Variants in CCSER1 observed in about 807,000 individuals in gnomAD.
CCSER1 encodes the protein serine-rich coiled-coil domain-containing protein 1.
A neutral mutation model predicts 82.0 loss-of-function variants in CCSER1; 41 were observed. That is an observed-to-expected ratio of 0.50 (90% CI 0.39 to 0.65). The LOEUF is 0.65. Among genes scored for constraint, CCSER1 ranks in the 30% least tolerant of loss-of-function variants. The probability of loss-of-function intolerance (pLI) is 0.00; values close to 1 mark genes in which losing one functional copy is unlikely to be tolerated. For synonymous variants in CCSER1, 414 were observed against 383.9 expected, an observed-to-expected ratio of 1.08 and a Z score of -0.92; for missense variants, 1,119 against 1,064.2, an observed-to-expected ratio of 1.05 and a Z score of -0.72.
At chr4:91,324,905 C>T (rs1013494769) in intron 10 of CCSER1, among the ~76,000 whole-genome samples, 1 of 152,044 alleles carries the variant, frequency 6.6e-6, no homozygotes, top group East Asian at 1.9e-4. Context: ...TATGATTTGG[C>T]TCTGTGTTCC....
intron 3 of CCSER1, among the ~76,000 whole-genome samples, chr4:90,331,892 G>T (rs1379609553): frequency 6.6e-6 from 1 of 151,732 alleles, no homozygotes; most frequent in Non-Finnish European, 1.5e-5. Flanking sequence ...CGAATTGTCA[G>T]ATTCACAAAA....
intron 4 of CCSER1, among the ~76,000 whole-genome samples, chr4:90,457,143 C>T (rs1451542833): frequency 2.0e-5 from 3 of 152,254 alleles, no homozygotes; most frequent in East Asian, 1.9e-4. Flanking sequence ...TGGTTCCCTG[C>T]GAGGCTATGG....
intron 10 of CCSER1, among the ~76,000 whole-genome samples, chr4:91,107,699 T>C (rs562921775): frequency 6.6e-6 from 1 of 151,528 alleles, no homozygotes. Context: ...AAAAGCACCA[T>C]TTAGCCTATC....
At chr4:90,256,523 C>A (rs1019396283) in intron 1 of CCSER1, among the ~76,000 whole-genome samples, 7 of 152,064 alleles carry the variant, frequency 4.6e-5, no homozygotes. Flanking sequence ...CTGTCATATT[C>A]TAAAATGTTT....
chr4:90,877,293 T>C (rs1767334242), intron 8 of CCSER1, among the ~76,000 whole-genome samples: 2 of 152,162 alleles, frequency 1.3e-5, no homozygotes, highest in South Asian at 4.1e-4. Flanking sequence ...TCTTGTTTTT[T>C]CTTAACTCTC....
chr4:90,541,473 T>C lies in CCSER1; in HGVS notation c.1724+73119T>C, dbSNP rs147615649. 5.7e-3 allele frequency among the ~76,000 whole-genome samples: 866 copies of C among 152,244 alleles called. 7 individuals are homozygous for C. Among genetic ancestry groups the C allele is most frequent in the African/African-American group, 0.019 (808 of 41,568 alleles). On this transcript the variant is annotated intron_variant, in intron 5 of 10. Coordinates refer to ENST00000509176, the MANE Select transcript of CCSER1 (RefSeq NM_001145065.2). ...CCCAAACTCTATAAAGTGACTGATC[T>C]GGAGCAAGTTACTTAACAACTATGA... is the stretch of plus-strand genomic sequence containing the variant.
At chr4:91,041,979 C>G (rs572231845) in intron 9 of CCSER1, among the ~76,000 whole-genome samples, 1 of 152,120 alleles carries the variant, frequency 6.6e-6, no homozygotes, top group East Asian at 1.9e-4. Context: ...TATCCATGGT[C>G]TTCCTTTTGA....
intron 10 of CCSER1, among the ~76,000 whole-genome samples, chr4:91,485,521 C>A (rs192265870): frequency 6.6e-6 from 1 of 152,062 alleles, no homozygotes; most frequent in Non-Finnish European, 1.5e-5. Context: ...CAGGAGCCAG[C>A]GGTTGAATAC....
intron 5 of CCSER1, among the ~76,000 whole-genome samples, chr4:90,516,771 G>C (rs1194174877): frequency 4.6e-5 from 7 of 152,156 alleles, no homozygotes; most frequent in Non-Finnish European, 1.0e-4. Flanking sequence ...GAACGATCAT[G>C]CTATGCCTTT....
chr4:90,259,405 C>G (rs2153447652), intron 1 of CCSER1, among the ~76,000 whole-genome samples: 1 of 152,116 alleles, frequency 6.6e-6, no homozygotes, highest in South Asian at 2.1e-4. Flanking sequence ...ATGATCATAT[C>G]ATCAGTGAAC....
intron 10 of CCSER1, among the ~76,000 whole-genome samples, chr4:91,192,358 T>C (rs182500762): frequency 1.3e-5 from 2 of 152,334 alleles, no homozygotes; most frequent in Admixed American, 6.5e-5. Flanking sequence ...AAGCCATGTT[T>C]GTTTGTTTTT....
chr4:90,547,074 A>G (rs998303247), intron 5 of CCSER1, among the ~76,000 whole-genome samples: 2 of 152,070 alleles, frequency 1.3e-5, no homozygotes, highest in African/African-American at 4.8e-5. Context: ...TACATTTCAT[A>G]CTGGAAAGGT....
intron 6 of CCSER1, among the ~76,000 whole-genome samples, chr4:90,695,822 G>T (rs142386517): frequency 2.6e-4 from 40 of 151,788 alleles, no homozygotes; most frequent in African/African-American, 8.4e-4. Flanking sequence ...TGTTGCATAA[G>T]ATTTTCATCA....
At position 90,628,343 on chromosome 4, in the gene CCSER1, G is replaced by T; in HGVS notation, c.1932+111G>T. 2 of 780,732 alleles carry T rather than the reference G, an allele frequency of 2.6e-6. 1 individual carries two copies. The highest frequency in any genetic ancestry group is 3.5e-5 in the South Asian group (2 of 57,538). The allele number at this position is 780,732 out of a possible 1,614,324, so 48.4% of individuals were successfully genotyped here. On this transcript the variant is annotated intron_variant, in intron 6 of 10. Coordinates refer to ENST00000509176, the MANE Select transcript of CCSER1 (RefSeq NM_001145065.2). ...ATTAACTACATGACATTGGGCAGGG[G>T]TCAGGTTTCCTCTTGGAGCTTAGCT...
intron 10 of CCSER1, among the ~76,000 whole-genome samples, chr4:91,450,138 C>G (rs922051189): frequency 2.6e-5 from 4 of 151,956 alleles, no homozygotes; most frequent in African/African-American, 9.7e-5. Flanking sequence ...CAGGATGGGT[C>G]GTCATGCTGT....
chr4:90,154,131 G>A (rs554833050), intron 1 of CCSER1, among the ~76,000 whole-genome samples: 10 of 152,284 alleles, frequency 6.6e-5, no homozygotes, highest in African/African-American at 1.9e-4. Flanking sequence ...TTATTAAATA[G>A]GGAATCCTTT....
At chr4:91,207,902 C>A (rs1183668775) in intron 10 of CCSER1, among the ~76,000 whole-genome samples, 1 of 151,844 alleles carries the variant, frequency 6.6e-6, no homozygotes, top group Non-Finnish European at 1.5e-5. Flanking sequence ...ATATTTTTGA[C>A]TTTTTAATAA....
rs527693363 is a variant in CCSER1, at chr4:90,473,762, G to C, written c.1724+5408G>C. ...TCTAAAGTTGTTACACAAACTCTGT[G>C]GTTATATTGGAGACATATCAAAGAA... On this transcript the variant is annotated intron_variant, in intron 5 of 10. Coordinates refer to ENST00000509176, the MANE Select transcript of CCSER1 (RefSeq NM_001145065.2). Among the ~76,000 whole-genome samples, 4 of 152,190 alleles carry C rather than the reference G, an allele frequency of 2.6e-5. No individual in the cohort carries two copies. In the South Asian group the frequency reaches 8.3e-4, roughly 32 times the overall value.
At chr4:90,865,055 T>C (rs1400509853) in intron 8 of CCSER1, among the ~76,000 whole-genome samples, 2 of 152,086 alleles carry the variant, frequency 1.3e-5, no homozygotes, top group African/African-American at 4.8e-5. Context: ...TAGGCAGCAC[T>C]TTTTCATTTT....
Sources: gnomAD v4.1 joint callset for allele counts (sites outside exome capture counted in the v4.1 genomes callset) on GRCh38, gnomAD v4.1.1 for gene constraint, MANE v1.5 for transcripts, NCBI Gene and HGNC (gene_info 2026-07-23, HGNC 2026-07-21) for gene names.